The following DCC variants were observed in gnomAD, a reference collection of about 807,000 sequenced individuals.
DCC encodes the protein netrin receptor DCC.
DCC carries 58 observed loss-of-function variants against 172.5 expected under a neutral mutation model. That is an observed-to-expected ratio of 0.34 (90% confidence interval 0.27 to 0.42). The LOEUF (loss-of-function observed/expected upper bound fraction) is 0.42. Ranked by LOEUF, DCC falls within the 10% of genes least tolerant of loss-of-function variation. The pLI, the probability that DCC is intolerant of heterozygous loss-of-function variation, is 1.00. For missense variants in DCC, 1,740 were observed against 1,791.0 expected (o/e 0.97, Z 0.51); for synonymous variants, 709 against 644.5 (o/e 1.10, Z -1.52).
intron 1 of DCC, among the ~76,000 whole-genome samples, chr18:52,598,794 G>A (rs1183815660): frequency 6.6e-6 from 1 of 152,080 alleles, no homozygotes; most frequent in Non-Finnish European, 1.5e-5. Flanking sequence ...AGTTCTGTAG[G>A]CTGGAAGTCC....
chr18:53,238,586 G>A (rs1273233320), intron 12 of DCC, among the ~76,000 whole-genome samples: 1 of 152,078 alleles, frequency 6.6e-6, no homozygotes, highest in African/African-American at 2.4e-5. Context: ...ATGTGTCCAA[G>A]CTCTCACACA....
At chr18:52,739,611 T>C (rs984253600) in intron 1 of DCC, among the ~76,000 whole-genome samples, 4 of 152,168 alleles carry the variant, frequency 2.6e-5, no homozygotes, top group Admixed American at 6.5e-5. Flanking sequence ...CAGGCCTGTG[T>C]CTACCGTTTA....
rs868056780 is a variant in DCC at position 53,351,314 on chromosome 18, T to C, written c.2359+11407T>C. Among the ~76,000 whole-genome samples the C allele has an allele frequency of 9.9e-4, 18 of 18,240 alleles. 2 individuals carry two copies. Among genetic ancestry groups the C allele is most frequent in the East Asian group, 3.9e-3 (2 of 518 alleles). 12.0% of individuals were successfully genotyped at this position (18,240 alleles called of 152,430 possible). On this transcript the variant is annotated intron_variant, in intron 15 of 28. Transcript: ENST00000442544. Reference sequence around the variant, plus strand: ...CAGTATATATATATATATATATATATACACTGTATATATATATACAGTGTA... The same window carrying C: ...CAGTATATATATATATATATATATACACACTGTATATATATATACAGTGTA...
intron 15 of DCC, among the ~76,000 whole-genome samples, chr18:53,384,458 T>C (rs762984460): frequency 2.0e-5 from 3 of 152,132 alleles, no homozygotes; most frequent in Non-Finnish European, 2.9e-5. Context: ...TCCTATTATC[T>C]GTACGTTAGA....
At chr18:52,601,052 C>T (rs553196555) in intron 1 of DCC, among the ~76,000 whole-genome samples, 35 of 151,896 alleles carry the variant, frequency 2.3e-4, no homozygotes, top group African/African-American at 8.2e-4. Context: ...GCTTCTGAGT[C>T]GAATTTCAAA....
Position 53,063,465 on chromosome 18 carries a change from T to C in DCC, c.1140+6T>C. ...GTGATTATTTTCAGATAGTGGTAATTATTTTGTTTCATATTTGTTTTATAA... is the reference window on the plus strand; with the variant it reads ...GTGATTATTTTCAGATAGTGGTAATCATTTTGTTTCATATTTGTTTTATAA... On this transcript the variant is annotated splice_donor_region_variant and intron_variant, in intron 6 of 28. Coordinates refer to ENST00000442544, the MANE Select transcript of DCC (RefSeq NM_005215.4). 2 of 1,595,042 alleles carry C rather than the reference T, an allele frequency of 1.3e-6. No homozygotes were observed. Among genetic ancestry groups the C allele is most frequent in the African/African-American group, 1.3e-5 (1 of 74,632 alleles).
At chr18:53,527,072 A>G (rs978958436) in intron 28 of DCC, 1 of 376,190 alleles carries the variant, frequency 2.7e-6, no homozygotes, top group South Asian at 2.3e-5. Flanking sequence ...ACATATACAC[A>G]TGATATACAC....
intron 15 of DCC, among the ~76,000 whole-genome samples, chr18:53,367,061 T>C (rs73957172): frequency 0.032 from 4,864 of 152,344 alleles, 290 homozygotes; most frequent in African/African-American, 0.11. Context: ...TGACACAGTT[T>C]ATGCCATTAT....
intron 1 of DCC, among the ~76,000 whole-genome samples, chr18:52,451,683 T>C (rs184645135): frequency 1.7e-4 from 26 of 151,902 alleles, no homozygotes; most frequent in African/African-American, 4.6e-4. Flanking sequence ...GGCGTGTGTG[T>C]GTATGTATGT....
chr18:52,603,786 G>A (rs962046229), intron 1 of DCC, among the ~76,000 whole-genome samples: 1 of 151,904 alleles, frequency 6.6e-6, no homozygotes, highest in African/African-American at 2.4e-5. Context: ...CTAAAAAGAA[G>A]AAGCTAAGCT....
At chr18:52,883,955 A>G (rs2039532666) in intron 2 of DCC, among the ~76,000 whole-genome samples, 1 of 151,352 alleles carries the variant, frequency 6.6e-6, no homozygotes, top group Non-Finnish European at 1.5e-5. Flanking sequence ...CTTGCTTGAA[A>G]TATATTTTCA....
intron 9 of DCC, among the ~76,000 whole-genome samples, chr18:53,201,798 T>C (rs2055541501): frequency 6.6e-6 from 1 of 152,144 alleles, no homozygotes; most frequent in African/African-American, 2.4e-5. Context: ...AGCTTTTTCA[T>C]AGAAAAAGTA....
chr18:53,527,319 A>AATTGAG, intron 28 of DCC, among the ~76,000 whole-genome samples: 1 of 151,968 alleles, frequency 6.6e-6, no homozygotes, highest in South Asian at 2.1e-4. Flanking sequence ...TCTTAGCTCA[A>AATTGAG]GCAGTTCTCC....
At chr18:52,572,127 G>A (rs2033312821) in intron 1 of DCC, among the ~76,000 whole-genome samples, 1 of 152,186 alleles carries the variant, frequency 6.6e-6, no homozygotes. Flanking sequence ...TATTATGTGT[G>A]TCCTGTGGAG....
At chr18:52,343,353 G>A (rs927470564) in intron 1 of DCC, among the ~76,000 whole-genome samples, 1 of 152,120 alleles carries the variant, frequency 6.6e-6, no homozygotes, top group Admixed American at 6.5e-5. Flanking sequence ...CATTCAGCCG[G>A]GTGTTTTAAA....
chr18:53,134,080 G>A (rs4445960), intron 7 of DCC, among the ~76,000 whole-genome samples: 73,132 of 151,984 alleles, frequency 0.48, 18,229 homozygotes, highest in South Asian at 0.67. Context: ...TCATACTCAT[G>A]ACTGCAAAAA....
chr18:52,585,961 T>C (rs2033662287), intron 1 of DCC, among the ~76,000 whole-genome samples: 1 of 151,670 alleles, frequency 6.6e-6, no homozygotes, highest in South Asian at 2.1e-4. Flanking sequence ...CGGGCCCCTG[T>C]AGTCCCAGCT....
chr18:52,937,486 C>T (rs2040397861), intron 5 of DCC, among the ~76,000 whole-genome samples: 1 of 152,100 alleles, frequency 6.6e-6, no homozygotes, highest in Admixed American at 6.6e-5. Flanking sequence ...TCAGTTATCT[C>T]CCCTAAAATC....
At chr18:52,747,333 G>T (rs2036922261) in intron 1 of DCC, among the ~76,000 whole-genome samples, 1 of 152,126 alleles carries the variant, frequency 6.6e-6, no homozygotes, top group African/African-American at 2.4e-5. Flanking sequence ...ACTATTTGAG[G>T]GTTCAAGGGG....
Sources: allele counts gnomAD v4.1 joint callset (sites outside exome capture counted in the v4.1 genomes callset), GRCh38; gene constraint gnomAD v4.1.1; transcripts MANE v1.5; gene names NCBI Gene and HGNC (gene_info 2026-07-23, HGNC 2026-07-21).